Variants in KIAA1210 observed in about 807,000 individuals in gnomAD.
The protein encoded by KIAA1210 is acrosomal protein KIAA1210.
In KIAA1210, 48 loss-of-function variants were observed where a neutral mutation model predicts 78.9. The ratio of observed to expected loss-of-function variants is 0.61; its 90% CI spans 0.48 to 0.77. The LOEUF is 0.77. Among genes scored for constraint, KIAA1210 ranks in the 30% least tolerant of loss-of-function variants. The pLI, the probability that KIAA1210 is intolerant of heterozygous loss-of-function variation, is 0.00. For missense variants in KIAA1210, 1,108 were observed against 1,100.0 expected, an observed-to-expected ratio of 1.01 and a Z score of -0.10; for synonymous variants, 406 against 404.5, an observed-to-expected ratio of 1.00 and a Z score of -0.04.
intron 2 of KIAA1210, 61 bp downstream of exon 2, chrX:119,123,521 G>T: frequency 1.2e-6 from 1 of 855,101 alleles, no homozygotes; most frequent in East Asian, 3.3e-5. Context: ...TGTCCTAGGA[G>T]CTAAATAAAC....
At chrX:119,124,651 G>A (rs979425796) in intron 1 of KIAA1210, among the ~76,000 whole-genome samples, 1 of 112,087 alleles carries the variant, frequency 8.9e-6, no homozygotes, top group Non-Finnish European at 1.9e-5. Context: ...ACTTTGGGAG[G>A]CAAAGGCAGG....
chrX:119,143,945 T>A (rs1929106303), intron 2 of KIAA1210, among the ~76,000 whole-genome samples: 1 of 112,521 alleles, frequency 8.9e-6, no homozygotes, highest in Admixed American at 9.4e-5. Flanking sequence ...CATATTTGAC[T>A]CCAAAGCCCC....
intron 8 of KIAA1210, among the ~76,000 whole-genome samples, chrX:119,093,092 T>C (rs1927437709): frequency 8.9e-6 from 1 of 111,997 alleles, no homozygotes; most frequent in African/African-American, 3.2e-5. Context: ...TTCACTCTGG[T>C]GATATTTGTT....
At chrX:119,113,104 A>G (rs1928134052) in intron 3 of KIAA1210, among the ~76,000 whole-genome samples, 1 of 111,754 alleles carries the variant, frequency 8.9e-6, no homozygotes, top group Non-Finnish European at 1.9e-5. Context: ...GCTTCCACTC[A>G]TGTGAAATGT....
intron 1 of KIAA1210, among the ~76,000 whole-genome samples, chrX:119,150,129 G>A (rs989242184): frequency 2.7e-4 from 30 of 112,033 alleles, no homozygotes; most frequent in African/African-American, 9.7e-4. Flanking sequence ...GATGATGTTG[G>A]CTAGGTTTCT....
rs770952919 is a variant in KIAA1210 at position 119,093,658 on chromosome X, T to C, written c.955+9A>G. On this transcript the variant is annotated intron_variant, in intron 8 of 11. Coordinates refer to ENST00000691062, the MANE Select transcript of KIAA1210 (RefSeq NM_001394962.1). ...ACATGTTTCTGGGTGAGGGTGAAGA[T>C]ATGCTAACCTGCACTGTCCATTCCC... is the stretch of plus-strand genomic sequence containing the variant. 1.7e-6 allele frequency: 2 copies of C among 1,163,430 alleles called. No homozygotes were observed. The highest frequency in any genetic ancestry group is 4.5e-5 in the Admixed American group (2 of 44,400).
chrX:119,104,108 A>T (rs867814353), intron 6 of KIAA1210, among the ~76,000 whole-genome samples: 4 of 112,276 alleles, frequency 3.6e-5, no homozygotes, highest in Admixed American at 9.4e-5. Flanking sequence ...ATTTTATGTG[A>T]TCTGTATTTT....
intron 2 of KIAA1210, among the ~76,000 whole-genome samples, chrX:119,146,583 T>A (rs1173756181): frequency 8.9e-6 from 1 of 112,260 alleles, no homozygotes; most frequent in Non-Finnish European, 1.9e-5. Flanking sequence ...ATACTTTATG[T>A]TGTAAATAAC....
At chrX:119,103,141 C>T in intron 6 of KIAA1210, among the ~76,000 whole-genome samples, 1 of 111,900 alleles carries the variant, frequency 8.9e-6, no homozygotes, top group Middle Eastern at 4.6e-3. Context: ...GAGAAAGGCA[C>T]AGACCTGCCT....
intron 5 of KIAA1210, 75 bp from the exon 6 acceptor site, chrX:119,105,222 C>A: frequency 4.0e-6 from 4 of 991,264 alleles, no homozygotes; most frequent in South Asian, 5.4e-5. Flanking sequence ...TTCTCTTATT[C>A]TTTAATAAGA....
chrX:119,093,894 CT>C, intron 7 of KIAA1210, 119 bp from the exon 8 acceptor site: 1 of 876,759 alleles, frequency 1.1e-6, no homozygotes, highest in South Asian at 2.3e-5. Flanking sequence ...GTAACAGTAC[CT>C]TTAAAGATGG....
At chrX:119,115,683 G>A (rs765350463) in intron 3 of KIAA1210, among the ~76,000 whole-genome samples, 5 of 112,179 alleles carry the variant, frequency 4.5e-5, no homozygotes, top group Non-Finnish European at 7.5e-5. Flanking sequence ...GCTCTGTGGG[G>A]AGTCCAGATA....
intron 4 of KIAA1210, among the ~76,000 whole-genome samples, chrX:119,108,851 A>G (rs1927980132): frequency 9.0e-6 from 1 of 110,676 alleles, no homozygotes; most frequent in Non-Finnish European, 1.9e-5. Flanking sequence ...TCAAAAAAAA[A>G]AAAAAAGAAG....
chrX:119,126,716 C>T (rs1243635686), intron 1 of KIAA1210, among the ~76,000 whole-genome samples: 1 of 112,179 alleles, frequency 8.9e-6, no homozygotes, highest in Admixed American at 9.4e-5. Context: ...TTACCCTTGG[C>T]ATTCCTGTCT....
chrX:119,084,352 C>A (rs1455812087), intron 10 of KIAA1210, among the ~76,000 whole-genome samples: 2 of 111,494 alleles, frequency 1.8e-5, no homozygotes, highest in Non-Finnish European at 3.8e-5. Flanking sequence ...CAAACCAAAT[C>A]AATATGTAGA....
At position 119,079,166 on chromosome X, in the gene KIAA1210, A is replaced by C. The variant is rs778912863; in HGVS notation, c.*2163T>G. 3 of 112,595 alleles carry C rather than the reference A, an allele frequency of 2.7e-5. No individual in the cohort carries two copies. The highest frequency in any genetic ancestry group is 3.7e-5 in the Non-Finnish European group (2 of 53,346). The allele number at this position is 112,595 out of a possible 1,213,427, so 9.3% of individuals were successfully genotyped here. On this transcript the variant is annotated 3_prime_UTR_variant, in exon 12 of 12. Coordinates refer to ENST00000691062, the MANE Select transcript of KIAA1210 (RefSeq NM_001394962.1). ...TACTGTGTCACATTATACCAGCATCAACAAAACCCAGCACCAAGTGTTTAG... is the reference window on the plus strand; with the variant it reads ...TACTGTGTCACATTATACCAGCATCCACAAAACCCAGCACCAAGTGTTTAG...
chrX:119,087,427 G>T lies in KIAA1210; in HGVS notation c.3275C>A (p.Pro1092His). ...MKHPLQSLGR[P>H]EDPQKVFSYS... ...AGAGAAAACTTTCTGTGGGTCTTCAGGCCTCCCCAAGGACTGTAAAGGGTG... is the reference window on the plus strand; with the variant it reads ...AGAGAAAACTTTCTGTGGGTCTTCATGCCTCCCCAAGGACTGTAAAGGGTG... The change falls in exon 9 of 12, where the codon CCT (proline) becomes CAT (histidine). Residue 1092 changes from proline (P) to histidine (H), a missense_variant. Pro to His is a moderately conservative substitution (Grantham distance 77). Transcript: ENST00000691062. The T allele has an allele frequency of 8.3e-7, 1 of 1,210,688 alleles. No homozygotes were observed. Among genetic ancestry groups the T allele is most frequent in the Non-Finnish European group, 1.1e-6 (1 of 894,992 alleles).
chrX:119,131,372 G>A (rs923679480), upstream of KIAA1210, among the ~76,000 whole-genome samples: 1 of 111,267 alleles, frequency 9.0e-6, no homozygotes, highest in Non-Finnish European at 1.9e-5. Context: ...AGATGGGAAC[G>A]ACAGACACTG....
rs143066304 is a variant in KIAA1210 at position 119,087,479 on chromosome X, T to C, written c.3223A>G (p.Ile1075Val). The change falls in exon 9 of 12, where the codon ATT becomes GTT. Residue 1075 changes from isoleucine to valine, a missense_variant. Physicochemically the swap from Ile to Val is conservative, Grantham distance 29. Around this residue, in one of 5 missense-constraint regions of KIAA1210, gnomAD observed 179 missense variants for 174.1 expected, o/e 1.03. Coordinates refer to ENST00000691062, the MANE Select transcript of KIAA1210 (RefSeq NM_001394962.1). The stretch of plus-strand genomic sequence containing the variant: ...TTCATAGGTAGCATCTTTGAAGAAA[T>C]GCCTCCCTTAGGATTAGCACTCCCT... ...DSGSANPKGGISSKMLPMKHP... is the reference protein window; with the variant it reads ...DSGSANPKGGVSSKMLPMKHP... 84 of 1,208,358 alleles carry C rather than the reference T, an allele frequency of 7.0e-5. No homozygotes were observed. In the African/African-American group the frequency reaches 1.4e-3, roughly 20 times the overall value.
Sources: allele counts gnomAD v4.1 joint callset (sites outside exome capture counted in the v4.1 genomes callset), GRCh38; gene constraint gnomAD v4.1.1; regional missense constraint gnomAD v4.1.1; transcripts MANE v1.5; gene names NCBI Gene and HGNC (gene_info 2026-07-23, HGNC 2026-07-21).